ZCCHC10: variants seen among roughly 807,000 people sequenced by gnomAD.
ZCCHC10 encodes zinc finger CCHC-type containing 10.
Under a neutral mutation model 19.5 loss-of-function variants are expected in ZCCHC10, and 16 were observed. The observed-to-expected ratio is 0.82, with a 90% confidence interval of 0.56 to 1.25. ZCCHC10 has a LOEUF of 1.25. Among genes scored for constraint, ZCCHC10 ranks in the 50% most tolerant of loss-of-function variants. The pLI is 0.00. For synonymous variants in ZCCHC10, 67 were observed against 72.5 expected (o/e 0.92, Z 0.38); for missense variants, 197 against 201.0 (o/e 0.98, Z 0.12).
chr5:133,009,416 G>A (rs1357649078), intron 2 of ZCCHC10, among the ~76,000 whole-genome samples: 3 of 151,726 alleles, frequency 2.0e-5, no homozygotes, highest in Admixed American at 6.6e-5. Flanking sequence ...TCAGAAATTC[G>A]AGACCAGCGT....
intron 2 of ZCCHC10, among the ~76,000 whole-genome samples, chr5:133,013,712 A>C (rs1763727034): frequency 6.6e-6 from 1 of 151,960 alleles, no homozygotes; most frequent in South Asian, 2.1e-4. Flanking sequence ...ACAAAGCAAG[A>C]CTCCATCTCA....
chr5:132,998,868 G>A lies in ZCCHC10; in HGVS notation c.312-18C>T. The A allele has an allele frequency of 1.2e-6, 2 of 1,603,912 alleles. No individual in the cohort carries two copies. The highest frequency in any genetic ancestry group is 1.7e-6 in the Non-Finnish European group (2 of 1,174,676). On this transcript the variant is annotated intron_variant, in intron 4 of 4. Transcript: ENST00000509437. ...TCTTAGACCTATTAGACAATACAGA[G>A]TTATATACATGGGAAGGTGACATGT...
At chr5:133,011,624 TAAAAAAAAAAAA>T (rs1194165056) in intron 2 of ZCCHC10, among the ~76,000 whole-genome samples, 2 of 44,784 alleles carry the variant, frequency 4.5e-5, no homozygotes, top group Non-Finnish European at 8.1e-5. Context: ...AGACTCCATC[TAAAAAAAAAAAA>T]AAAAAAAAAA....
At chr5:133,008,339 A>C (rs1287219016) in intron 2 of ZCCHC10, among the ~76,000 whole-genome samples, 1 of 150,446 alleles carries the variant, frequency 6.6e-6, no homozygotes, top group Non-Finnish European at 1.5e-5. Context: ...GGAGTTTGAG[A>C]CCAGCCTGGC....
chr5:133,023,255 A>G lies in ZCCHC10; in HGVS notation c.42-349T>C, dbSNP rs116740937. On this transcript the variant is annotated intron_variant, in intron 1 of 4. Coordinates refer to ENST00000509437, the MANE Select transcript of ZCCHC10 (RefSeq NM_001300816.3). ...TGGAATCTCATATAAGGTTTAATAG[A>G]AGAAATGACCCCAAATAATGCCTAG... is the stretch of plus-strand genomic sequence containing the variant. 6.0e-3 allele frequency among the ~76,000 whole-genome samples: 908 copies of G among 152,222 alleles called. 11 individuals carry two copies. The highest frequency in any genetic ancestry group is 0.021 in the African/African-American group (863 of 41,546).
At chr5:133,014,430 G>A (rs367547972) in intron 2 of ZCCHC10, among the ~76,000 whole-genome samples, 3 of 152,104 alleles carry the variant, frequency 2.0e-5, no homozygotes, top group Admixed American at 2.0e-4. Context: ...CTCCCAAAGT[G>A]CTGGGATTAC....
intron 3 of ZCCHC10, among the ~76,000 whole-genome samples, chr5:133,004,442 G>A (rs2126562171): frequency 6.6e-6 from 1 of 152,274 alleles, no homozygotes; most frequent in African/African-American, 2.4e-5. Flanking sequence ...CCAAAGTGCT[G>A]GGATTACAGG....
At chr5:133,001,877 T>C (rs1561533223) in intron 3 of ZCCHC10, among the ~76,000 whole-genome samples, 1 of 151,934 alleles carries the variant, frequency 6.6e-6, no homozygotes, top group Non-Finnish European at 1.5e-5. Context: ...AATTACTTAC[T>C]GAATTGTCAT....
intron 2 of ZCCHC10, among the ~76,000 whole-genome samples, chr5:133,007,202 G>C (rs542679898): frequency 7.2e-5 from 11 of 152,106 alleles, no homozygotes; most frequent in Admixed American, 4.6e-4. Context: ...TTCCTGTGCT[G>C]TTCTTGTGAT....
intron 3 of ZCCHC10, among the ~76,000 whole-genome samples, chr5:133,004,178 C>CTT (rs111850766): frequency 7.0e-6 from 1 of 142,930 alleles, no homozygotes; most frequent in African/African-American, 2.5e-5. Context: ...TTTTTAATTT[C>CTT]TTTTTTTTTT....
chr5:133,024,640 G>A (rs1328549412), intron 1 of ZCCHC10, among the ~76,000 whole-genome samples: 1 of 152,164 alleles, frequency 6.6e-6, no homozygotes, highest in African/African-American at 2.4e-5. Flanking sequence ...AGTGGCTCAT[G>A]CCTGTAATCC....
chr5:133,005,059 G>A (rs1158231605), intron 3 of ZCCHC10, among the ~76,000 whole-genome samples: 2 of 151,948 alleles, frequency 1.3e-5, no homozygotes, highest in Non-Finnish European at 2.9e-5. Context: ...CAGCACTTTG[G>A]GAGGCCGAGG....
intron 3 of ZCCHC10, among the ~76,000 whole-genome samples, chr5:133,001,352 T>C (rs966580256): frequency 6.6e-6 from 1 of 151,702 alleles, no homozygotes; most frequent in African/African-American, 2.4e-5. Flanking sequence ...GATCGCACCA[T>C]TGCACTCCAG....
chr5:133,021,304 C>T (rs1764295990), intron 2 of ZCCHC10, among the ~76,000 whole-genome samples: 1 of 152,322 alleles, frequency 6.6e-6, no homozygotes, highest in South Asian at 2.1e-4. Flanking sequence ...GCTGGGATTA[C>T]AGGCGTGAGC....
intron 1 of ZCCHC10, among the ~76,000 whole-genome samples, chr5:133,023,315 T>C (rs553186153): frequency 1.8e-4 from 28 of 152,202 alleles, no homozygotes; most frequent in African/African-American, 6.7e-4. Flanking sequence ...TAGATGTAAG[T>C]ACAGTTTACA....
intron 1 of ZCCHC10, among the ~76,000 whole-genome samples, chr5:133,025,890 T>C (rs1157073842): frequency 1.3e-5 from 2 of 152,216 alleles, no homozygotes; most frequent in Non-Finnish European, 2.9e-5. Context: ...CACTAGAATG[T>C]AAGCTCTCTG....
chr5:133,013,632 G>T (rs753611861), intron 2 of ZCCHC10, among the ~76,000 whole-genome samples: 6 of 152,084 alleles, frequency 3.9e-5, no homozygotes, highest in Non-Finnish European at 7.4e-5. Flanking sequence ...TGAGGCAGGA[G>T]AATCGCTTGA....
intron 3 of ZCCHC10, chr5:133,003,175 G>C (rs1762883845): frequency 1.1e-5 from 4 of 352,436 alleles, no homozygotes; most frequent in South Asian, 1.0e-4. Flanking sequence ...CCCCCTTTTT[G>C]TATTTATTGG....
In ZCCHC10 at chr5:132,998,727, G is replaced by A. The variant is rs1338735038; in HGVS notation, c.435C>T (p.Ser145=). Residue 145 remains serine, a synonymous_variant, in exon 5 of 5, where the codon TCC becomes TCT. Transcript: ENST00000509437. ...SSEDSDTDES[S]SSSSSSASST... is the part of the protein sequence containing the mutation. Reference sequence around the variant, plus strand: ...AGGAGGCTGAGGATGAGGAACTAGAGGAGCTTTCATCAGTGTCACTGTCCT... The same window carrying A: ...AGGAGGCTGAGGATGAGGAACTAGAAGAGCTTTCATCAGTGTCACTGTCCT... 2 of 1,614,072 alleles carry A rather than the reference G, an allele frequency of 1.2e-6. No individual in the cohort carries two copies. The highest frequency in any genetic ancestry group is 1.1e-5 in the South Asian group (1 of 91,084).
Sources: gnomAD v4.1 joint callset for allele counts (sites outside exome capture counted in the v4.1 genomes callset) on GRCh38, gnomAD v4.1.1 for gene constraint, MANE v1.5 for transcripts, NCBI Gene and HGNC (gene_info 2026-07-23, HGNC 2026-07-21) for gene names.